Variants in TJP1 observed in about 807,000 individuals in gnomAD.
TJP1 encodes tight junction protein 1, also known as tight junction protein ZO-1.
Under a neutral mutation model 194.2 loss-of-function variants are expected in TJP1, and 43 were observed. The ratio of observed to expected loss-of-function variants is 0.22; its 90% CI spans 0.17 to 0.29. TJP1 has a LOEUF of 0.29. TJP1 is among the 10% of genes least tolerant of loss of function. The pLI is 1.00. For synonymous variants in TJP1, 801 were observed against 779.0 expected, an observed-to-expected ratio of 1.03 and a Z score of -0.47; for missense variants, 1,971 against 2,185.7, an observed-to-expected ratio of 0.90 and a Z score of 1.96.
intron 2 of TJP1, among the ~76,000 whole-genome samples, chr15:29,894,354 G>T (rs1385526831): frequency 1.3e-5 from 2 of 152,230 alleles, no homozygotes; most frequent in African/African-American, 2.4e-5. Context: ...AGCTACCTGG[G>T]AGACGGAGGC....
chr15:29,939,700 C>A (rs1430348306), intron 2 of TJP1, among the ~76,000 whole-genome samples: 3 of 152,146 alleles, frequency 2.0e-5, no homozygotes, highest in African/African-American at 7.2e-5. Flanking sequence ...GGAGGTGGGG[C>A]CTTTGGGAGG....
chr15:29,714,341 C>T (rs149676012), intron 23 of TJP1, among the ~76,000 whole-genome samples: 3,506 of 151,678 alleles, frequency 0.023, 48 homozygotes, highest in South Asian at 0.054. Context: ...CGGGTTCATG[C>T]CATTCTCCTG....
chr15:29,907,760 C>T (rs552657120), intron 2 of TJP1, among the ~76,000 whole-genome samples: 2 of 152,084 alleles, frequency 1.3e-5, no homozygotes, highest in Admixed American at 1.3e-4. Flanking sequence ...CCTTTGTAAC[C>T]TCTTCCATTC....
chr15:29,902,907 G>A (rs1353431404), intron 2 of TJP1, among the ~76,000 whole-genome samples: 2 of 152,088 alleles, frequency 1.3e-5, no homozygotes, highest in African/African-American at 2.4e-5. Flanking sequence ...GGCGGCGGGC[G>A]CCTGTAATCC....
chr15:29,920,970 G>T (rs1287488690), intron 2 of TJP1, among the ~76,000 whole-genome samples: 1 of 152,178 alleles, frequency 6.6e-6, no homozygotes, highest in African/African-American at 2.4e-5. Context: ...CATGTGAAAT[G>T]GACAGATGGA....
chr15:29,881,434 T>G (rs2052924860), intron 2 of TJP1, among the ~76,000 whole-genome samples: 1 of 152,238 alleles, frequency 6.6e-6, no homozygotes, highest in Non-Finnish European at 1.5e-5. Flanking sequence ...TTTGTTGATG[T>G]GTCCCTTTTG....
intron 2 of TJP1, among the ~76,000 whole-genome samples, chr15:29,903,582 C>T (rs1298516844): frequency 6.6e-6 from 1 of 151,966 alleles, no homozygotes; most frequent in African/African-American, 2.4e-5. Flanking sequence ...GTAGCTGGGA[C>T]TACAGGCACC....
At chr15:29,753,024 G>A (rs1225983240) in intron 8 of TJP1, among the ~76,000 whole-genome samples, 1 of 152,080 alleles carries the variant, frequency 6.6e-6, no homozygotes, top group Non-Finnish European at 1.5e-5. Flanking sequence ...TCTTCCCTGA[G>A]CCTGTTATTT....
In TJP1 at chr15:29,887,243, ATATAT is replaced by A. The variant is rs536151123; in HGVS notation, c.306+68984_306+68988del. Among the ~76,000 whole-genome samples, 327 of 148,356 alleles carry A rather than the reference ATATAT, an allele frequency of 2.2e-3. 1 individual carries two copies. The highest frequency in any genetic ancestry group is 7.7e-3 in the African/African-American group (313 of 40,848). ...ACAAAAATTTTGTTAAGGTAGAAAA[ATATAT>A]TGTATATATATAATATAAATATATA... On this transcript the variant is annotated intron_variant, in intron 2 of 28. Coordinates refer to the TJP1 transcript ENST00000356107.
chr15:29,968,768 C>T (rs965079753), exon 1 of TJP1: 61 of 1,223,482 alleles, frequency 5.0e-5, no homozygotes, highest in African/African-American at 1.3e-4. Context: ...TCATCTTGTC[C>T]CCGCTCCGCT....
intron 1 of TJP1, among the ~76,000 whole-genome samples, chr15:29,815,083 C>A (rs200665194): frequency 2.6e-5 from 4 of 152,174 alleles, no homozygotes; most frequent in African/African-American, 9.7e-5. Flanking sequence ...TCCCTACCCA[C>A]GTATTCCCCA....
intron 1 of TJP1, among the ~76,000 whole-genome samples, chr15:29,810,068 A>G (rs2049385699): frequency 6.6e-6 from 1 of 152,186 alleles, no homozygotes; most frequent in Non-Finnish European, 1.5e-5. Flanking sequence ...GAAATCTGAA[A>G]TGCTCCAAAG....
intron 1 of TJP1, among the ~76,000 whole-genome samples, chr15:29,966,377 G>A (rs961206707): frequency 3.3e-5 from 5 of 152,146 alleles, no homozygotes; most frequent in South Asian, 2.1e-4. Flanking sequence ...GGTGGTAGGC[G>A]CCTGTAATCC....
chr15:29,766,525 C>A lies in TJP1; in HGVS notation c.330G>T (p.Lys110Asn). Residue 110 changes from lysine (K) to asparagine (N), a missense_variant, in exon 5 of 28, where the codon AAG becomes AAT. By Grantham distance (94) the Lys-to-Asn change is moderately conservative. This residue lies in a region of TJP1 where 245 missense variants were observed against 336.6 expected (regional missense o/e 0.73). Coordinates refer to ENST00000614355, the MANE Select transcript of TJP1 (RefSeq NM_001330239.4). The part of the protein sequence containing the change: ...KNAKITIRRK[K>N]KVQIPVSRPD... Reference sequence around the variant, plus strand: ...GACGACTTACTGGTATTTGAACTTTCTTCTTCCTTCTAATTGTCTGCAAGT... The same window carrying A: ...GACGACTTACTGGTATTTGAACTTTATTCTTCCTTCTAATTGTCTGCAAGT... The A allele has an allele frequency of 6.4e-7, 1 of 1,561,074 alleles. No homozygotes were observed. The highest frequency in any genetic ancestry group is 8.7e-7 in the Non-Finnish European group (1 of 1,155,482).
At chr15:29,803,381 TTTA>T (rs2048910751) in intron 1 of TJP1, among the ~76,000 whole-genome samples, 1 of 152,170 alleles carries the variant, frequency 6.6e-6, no homozygotes, top group Non-Finnish European at 1.5e-5. Flanking sequence ...TATTCAACAC[TTTA>T]TTGTGAAGTA....
intron 11 of TJP1, among the ~76,000 whole-genome samples, chr15:29,735,866 G>T (rs773274328): frequency 6.6e-6 from 1 of 152,102 alleles, no homozygotes; most frequent in African/African-American, 2.4e-5. Context: ...GGGAAAAGGA[G>T]GAGGATTCAA....
intron 2 of TJP1, among the ~76,000 whole-genome samples, chr15:29,912,906 C>T (rs1036051783): frequency 1.3e-5 from 2 of 152,062 alleles, no homozygotes; most frequent in Non-Finnish European, 2.9e-5. Context: ...TAATTTCATA[C>T]GGTTTAACTT....
chr15:29,810,525 G>A (rs899022244), intron 1 of TJP1, among the ~76,000 whole-genome samples: 1 of 152,148 alleles, frequency 6.6e-6, no homozygotes, highest in Non-Finnish European at 1.5e-5. Flanking sequence ...AGATGGATTA[G>A]TACCTTCCTT....
At chr15:29,960,072 G>A (rs2056098393) in intron 1 of TJP1, among the ~76,000 whole-genome samples, 1 of 152,060 alleles carries the variant, frequency 6.6e-6, no homozygotes, top group East Asian at 1.9e-4. Context: ...GAAAATTAAT[G>A]CAAACATTTA....
Sources: allele counts gnomAD v4.1 joint callset (sites outside exome capture counted in the v4.1 genomes callset), GRCh38; gene constraint gnomAD v4.1.1; regional missense constraint gnomAD v4.1.1; transcripts MANE v1.5; gene names NCBI Gene and HGNC (gene_info 2026-07-23, HGNC 2026-07-21).